The following YIPF4 variants were observed in gnomAD, a reference collection of about 807,000 sequenced individuals.
YIPF4 encodes the protein protein YIPF4.
A neutral mutation model predicts 29.4 loss-of-function variants in YIPF4; 18 were observed. The ratio of observed to expected loss-of-function variants is 0.61; its 90% CI spans 0.42 to 0.91. YIPF4 has a LOEUF of 0.91. YIPF4 is among the 40% of genes least tolerant of loss of function. The pLI is 0.00. For missense variants in YIPF4, 279 were observed against 282.7 expected, an observed-to-expected ratio of 0.99 and a Z score of 0.09; for synonymous variants, 115 against 104.7, an observed-to-expected ratio of 1.10 and a Z score of -0.60.
At chr2:32,302,830 A>G (rs537604127) in intron 5 of YIPF4, among the ~76,000 whole-genome samples, 5 of 152,288 alleles carry the variant, frequency 3.3e-5, no homozygotes, top group African/African-American at 9.6e-5. Context: ...ATTATTACTA[A>G]TTTCAATATA....
chr2:32,316,165 G>A lies in YIPF4; in HGVS notation c.*10539G>A, dbSNP rs886099834. 1.3e-5 allele frequency: 2 copies of A among 151,812 alleles called. No homozygotes were observed. Among genetic ancestry groups the A allele is most frequent in the African/African-American group, 2.4e-5 (1 of 41,330 alleles). 9.4% of individuals were successfully genotyped at this position (151,812 alleles called of 1,614,324 possible). On this transcript the variant is annotated 3_prime_UTR_variant, in exon 6 of 6. Coordinates refer to ENST00000238831, the MANE Select transcript of YIPF4 (RefSeq NM_032312.4). ...AACTACAAATTGGGGAAAAATATTT[G>A]TAGGACTTATGTAGACAAAGGACTA...
In YIPF4 at chr2:32,301,771, A is replaced by T. The variant is rs574831019; in HGVS notation, c.597+276A>T. On this transcript the variant is annotated intron_variant, in intron 5 of 5. Coordinates refer to ENST00000238831, the MANE Select transcript of YIPF4 (RefSeq NM_032312.4). ...TTTTGTTTTGTTTTCTGGAGTCTCG[A>T]TCTGTCACCAAGGCTGGAGTGCCTC... 4.6e-5 allele frequency among the ~76,000 whole-genome samples: 7 copies of T among 152,208 alleles called. No individual in the cohort carries two copies. In the East Asian group the frequency reaches 1.4e-3, roughly 29 times the overall value.
At chr2:32,279,977 A>G (rs1200674595) in intron 1 of YIPF4, among the ~76,000 whole-genome samples, 1 of 148,146 alleles carries the variant, frequency 6.8e-6, no homozygotes, top group Non-Finnish European at 1.5e-5. Flanking sequence ...GCTTACTATA[A>G]CCTCAAATTC....
intron 1 of YIPF4, among the ~76,000 whole-genome samples, chr2:32,286,350 A>G (rs1228849500): frequency 1.3e-5 from 2 of 152,096 alleles, no homozygotes; most frequent in Non-Finnish European, 2.9e-5. Context: ...TGAATCTATA[A>G]TTTTTCAAAA....
intron 1 of YIPF4, among the ~76,000 whole-genome samples, chr2:32,290,150 CA>C (rs1399205690): frequency 6.6e-6 from 1 of 152,064 alleles, no homozygotes; most frequent in African/African-American, 2.4e-5. Flanking sequence ...TGAAGGAATC[CA>C]AAATGATGTC....
At position 32,295,269 on chromosome 2, in the gene YIPF4, T is replaced by G. The variant is rs567394539; in HGVS notation, c.405+2921T>G. On this transcript the variant is annotated intron_variant, in intron 3 of 5. Coordinates refer to ENST00000238831, the MANE Select transcript of YIPF4 (RefSeq NM_032312.4). ...ACTCTCTCATGCCAAATTTAAGGCT[T>G]TGAAGGAGTAAAAAGTTACTGTTTA... 3.2e-3 allele frequency among the ~76,000 whole-genome samples: 480 copies of G among 152,320 alleles called. 2 individuals are homozygous for G. The highest frequency in any genetic ancestry group is 0.011 in the African/African-American group (467 of 41,572).
intron 1 of YIPF4, among the ~76,000 whole-genome samples, chr2:32,288,294 C>G (rs1036305917): frequency 6.6e-6 from 1 of 152,044 alleles, no homozygotes; most frequent in African/African-American, 2.4e-5. Flanking sequence ...CTTGCATCTG[C>G]GCTATGACAA....
rs978737975 is a variant in YIPF4 at position 32,306,978 on chromosome 2, G to A, written c.*1352G>A. 23 of 524,902 alleles carry A rather than the reference G, an allele frequency of 4.4e-5. No individual in the cohort carries two copies. Among genetic ancestry groups the A allele is most frequent in the African/African-American group, 2.9e-4 (14 of 48,106 alleles). The allele number at this position is 524,902 out of a possible 1,614,324, so 32.5% of individuals were successfully genotyped here. On this transcript the variant is annotated 3_prime_UTR_variant, in exon 6 of 6. Coordinates refer to ENST00000238831, the MANE Select transcript of YIPF4 (RefSeq NM_032312.4). ...AATGAGTGTGTTATCAAGCCCAGCC[G>A]TCTTCCTTTCCCCTAATCCCAAAAG...
In YIPF4 at chr2:32,298,304, G is replaced by C. The variant is rs2031270528; in HGVS notation, c.476G>C (p.Gly159Ala). 1 of 1,606,024 alleles carries C rather than the reference G, an allele frequency of 6.2e-7. No homozygotes were observed. The highest frequency in any genetic ancestry group is 1.3e-5 in the African/African-American group (1 of 74,590). Residue 159 changes from glycine (G) to alanine (A), a missense_variant, in exon 4 of 6, where the codon GGT becomes GCT. Physicochemically the swap from Gly to Ala is moderately conservative, Grantham distance 60. Transcript: ENST00000238831. ...LTIFLLARVL[G>A]GEVAYGQVLG... ...ATTTTCTTACTGGCCAGAGTTCTTGGTGGAGAAGTAAGTAGTTTATTTTGA... is the reference window on the plus strand; with the variant it reads ...ATTTTCTTACTGGCCAGAGTTCTTGCTGGAGAAGTAAGTAGTTTATTTTGA...
At position 32,306,588 on chromosome 2, in the gene YIPF4, C is replaced by G; in HGVS notation, c.*962C>G. 1.0e-6 allele frequency: 1 copy of G among 985,078 alleles called. No individual in the cohort carries two copies. Among genetic ancestry groups the G allele is most frequent in the Non-Finnish European group, 1.2e-6 (1 of 829,686 alleles). The allele number at this position is 985,078 out of a possible 1,614,324, so 61.0% of individuals were successfully genotyped here. On this transcript the variant is annotated 3_prime_UTR_variant, in exon 6 of 6. Transcript: ENST00000238831. ...CCCAGTTGTGTGTTTTGTTTTACAG[C>G]ACCATGTCCTGTATTACTTGATATT...
intron 1 of YIPF4, among the ~76,000 whole-genome samples, chr2:32,287,283 A>G (rs570704727): frequency 2.0e-5 from 3 of 152,262 alleles, no homozygotes; most frequent in African/African-American, 7.2e-5. Flanking sequence ...TGAAATAATG[A>G]AATTTATTAA....
chr2:32,283,748 C>T (rs1465151579), intron 1 of YIPF4, among the ~76,000 whole-genome samples: 1 of 148,820 alleles, frequency 6.7e-6, no homozygotes, highest in South Asian at 2.1e-4. Context: ...ACAAGAGTCT[C>T]GCTGTGTTGC....
At chr2:32,300,689 G>A (rs751710413) in intron 4 of YIPF4, among the ~76,000 whole-genome samples, 1 of 152,064 alleles carries the variant, frequency 6.6e-6, no homozygotes, top group Non-Finnish European at 1.5e-5. Context: ...ATGAAAATAT[G>A]TATCATTACG....
intron 1 of YIPF4, among the ~76,000 whole-genome samples, chr2:32,282,901 C>G (rs1030325438): frequency 6.6e-6 from 1 of 151,578 alleles, no homozygotes; most frequent in Non-Finnish European, 1.5e-5. Flanking sequence ...AAGGTGAAAC[C>G]CAGTCTCTAC....
At chr2:32,279,907 T>C (rs912626158) in intron 1 of YIPF4, among the ~76,000 whole-genome samples, 8 of 150,104 alleles carry the variant, frequency 5.3e-5, no homozygotes, top group African/African-American at 2.0e-4. Flanking sequence ...GTTCTTTTTT[T>C]TTTTTTTTGA....
intron 1 of YIPF4, among the ~76,000 whole-genome samples, chr2:32,286,513 T>C (rs575957351): frequency 1.4e-4 from 22 of 152,228 alleles, no homozygotes; most frequent in Admixed American, 5.9e-4. Flanking sequence ...ATTAAAAATA[T>C]AACCTAAGAC....
At chr2:32,290,358 A>T (rs748590180) in intron 1 of YIPF4, 125 bp from the exon 2 acceptor site, 10 of 568,008 alleles carry the variant, frequency 1.8e-5, no homozygotes, top group Non-Finnish European at 2.7e-5. Flanking sequence ...TGAAGATTAT[A>T]TGCAATAGCA....
intron 1 of YIPF4, among the ~76,000 whole-genome samples, chr2:32,284,697 A>G (rs113113884): frequency 0.016 from 2,416 of 152,300 alleles, 29 homozygotes; most frequent in African/African-American, 0.023. Context: ...GAGCAATGCA[A>G]GAATGGACTA....
intron 1 of YIPF4, among the ~76,000 whole-genome samples, chr2:32,279,271 C>T (rs1048845368): frequency 5.3e-5 from 8 of 150,956 alleles, no homozygotes; most frequent in East Asian, 2.0e-4. Flanking sequence ...GCGCCCCGGC[C>T]ATTTTCAAAT....
Sources: allele counts gnomAD v4.1 joint callset (sites outside exome capture counted in the v4.1 genomes callset), GRCh38; gene constraint gnomAD v4.1.1; transcripts MANE v1.5; gene names NCBI Gene and HGNC (gene_info 2026-07-23, HGNC 2026-07-21).